The following CTNNA2 variants were observed in gnomAD, a reference collection of about 807,000 sequenced individuals.
CTNNA2 encodes catenin alpha-2.
In CTNNA2, 42 loss-of-function variants were observed where a neutral mutation model predicts 101.0. That is an observed-to-expected ratio of 0.42 (90% CI 0.32 to 0.54). CTNNA2 has a LOEUF of 0.54. Ranked by LOEUF, CTNNA2 falls within the 20% of genes least tolerant of loss-of-function variation. The pLI, the probability that CTNNA2 is intolerant of heterozygous loss-of-function variation, is 0.14. For synonymous variants in CTNNA2, 450 were observed against 456.4 expected, an observed-to-expected ratio of 0.99 and a Z score of 0.18; for missense variants, 871 against 1,223.1, an observed-to-expected ratio of 0.71 and a Z score of 4.29.
intron 2 of CTNNA2, among the ~76,000 whole-genome samples, chr2:79,278,377 T>C (rs1022706600): frequency 5.9e-5 from 9 of 152,040 alleles, no homozygotes; most frequent in African/African-American, 2.2e-4. Context: ...TATTTTAGAA[T>C]TGGAGACAGG....
intron 6 of CTNNA2, among the ~76,000 whole-genome samples, chr2:79,898,144 C>CT (rs888439522): frequency 6.6e-6 from 1 of 151,500 alleles, no homozygotes; most frequent in Non-Finnish European, 1.5e-5. Flanking sequence ...TTTCTTTTTT[C>CT]TTTTTTTGAG....
chr2:80,191,397 G>T (rs1008512838), intron 7 of CTNNA2, among the ~76,000 whole-genome samples: 1 of 152,102 alleles, frequency 6.6e-6, no homozygotes, highest in African/African-American at 2.4e-5. Context: ...TTCAGTACTT[G>T]CTGTGTGCCA....
chr2:80,195,732 T>A (rs949171588), intron 7 of CTNNA2, among the ~76,000 whole-genome samples: 1 of 152,102 alleles, frequency 6.6e-6, no homozygotes, highest in Non-Finnish European at 1.5e-5. Context: ...TGTTTTTGCT[T>A]CCTGATATTC....
At chr2:79,944,309 GTT>G (rs1221920480) in intron 7 of CTNNA2, among the ~76,000 whole-genome samples, 1 of 152,038 alleles carries the variant, frequency 6.6e-6, no homozygotes, top group Non-Finnish European at 1.5e-5. Flanking sequence ...GGATGAAAAT[GTT>G]TTGTTTCCTT....
At chr2:79,988,297 A>G (rs1691907009) in intron 7 of CTNNA2, among the ~76,000 whole-genome samples, 1 of 152,218 alleles carries the variant, frequency 6.6e-6, no homozygotes, top group African/African-American at 2.4e-5. Flanking sequence ...CGCCACCATC[A>G]GCACTATCAT....
chr2:79,817,532 T>G (rs1489527505), intron 3 of CTNNA2, among the ~76,000 whole-genome samples: 1 of 151,998 alleles, frequency 6.6e-6, no homozygotes, highest in Non-Finnish European at 1.5e-5. Flanking sequence ...TTGAACCATG[T>G]GTTGTATCTC....
chr2:80,554,060 G>A (rs924372895), intron 11 of CTNNA2, among the ~76,000 whole-genome samples: 1 of 152,154 alleles, frequency 6.6e-6, no homozygotes, highest in Non-Finnish European at 1.5e-5. Context: ...AATTTATAAT[G>A]GTTTGAGTGA....
intron 14 of CTNNA2, among the ~76,000 whole-genome samples, chr2:80,583,493 A>G (rs1695714365): frequency 6.6e-6 from 1 of 152,340 alleles, no homozygotes; most frequent in East Asian, 1.9e-4. Flanking sequence ...AAGTAAAACC[A>G]GCATTGTTAT....
Position 79,287,514 on chromosome 2 carries a change from G to T in CTNNA2, c.-405-25195G>T, listed in dbSNP as rs557561153. Among the ~76,000 whole-genome samples the T allele has an allele frequency of 1.5e-3, 232 of 150,742 alleles. 2 individuals are homozygous for T. The highest frequency in any genetic ancestry group is 4.5e-3 in the African/African-American group (181 of 40,600). ...TGCAGGTCTATTGGAGTACCCGGCC[G>T]TGTGAGGTGTCAGTCTGCCCCTGCT... On this transcript the variant is annotated intron_variant, in intron 2 of 21. Transcript: ENST00000466387.
At chr2:79,610,648 T>A (rs2566553) in intron 1 of CTNNA2, among the ~76,000 whole-genome samples, 95,290 of 151,882 alleles carry the variant, frequency 0.63, 31,129 homozygotes, top group Non-Finnish European at 0.72. Context: ...TATAAAACTC[T>A]GGAAAATGTA....
intron 2 of CTNNA2, among the ~76,000 whole-genome samples, chr2:79,278,859 A>G (rs978569917): frequency 5.3e-5 from 8 of 152,148 alleles, no homozygotes; most frequent in African/African-American, 1.7e-4. Context: ...TGGCTGGAAT[A>G]GAGGATAGGA....
At chr2:79,474,070 A>T (rs1284497280) in intron 4 of CTNNA2, among the ~76,000 whole-genome samples, 1 of 152,134 alleles carries the variant, frequency 6.6e-6, no homozygotes, top group Non-Finnish European at 1.5e-5. Context: ...TTAGACTTCA[A>T]CCCTAACACA....
At chr2:80,280,538 C>T (rs985302303) in intron 7 of CTNNA2, among the ~76,000 whole-genome samples, 32 of 151,872 alleles carry the variant, frequency 2.1e-4, no homozygotes, top group Admixed American at 7.9e-4. Flanking sequence ...TACAATCTTG[C>T]GCTGATCTTA....
chr2:79,882,831 A>C (rs557149434), intron 6 of CTNNA2, among the ~76,000 whole-genome samples: 7 of 152,314 alleles, frequency 4.6e-5, no homozygotes, highest in Non-Finnish European at 1.0e-4. Context: ...TGCCTGTAGC[A>C]TGGGTTTGCA....
At chr2:79,595,161 C>A (rs1341127620) in intron 1 of CTNNA2, among the ~76,000 whole-genome samples, 1 of 152,136 alleles carries the variant, frequency 6.6e-6, no homozygotes, top group Admixed American at 6.5e-5. Context: ...GTCAACCATT[C>A]CACTCTCACC....
At chr2:80,508,684 A>G (rs979031937) in intron 9 of CTNNA2, among the ~76,000 whole-genome samples, 2 of 152,100 alleles carry the variant, frequency 1.3e-5, no homozygotes, top group South Asian at 4.1e-4. Context: ...CAAAAAAAAA[A>G]AAAAACAAAT....
chr2:79,315,861 T>C (rs1034575196), intron 3 of CTNNA2, among the ~76,000 whole-genome samples: 1 of 152,146 alleles, frequency 6.6e-6, no homozygotes, highest in Admixed American at 6.5e-5. Context: ...TTCATCATTT[T>C]AAATTCCCAC....
intron 3 of CTNNA2, among the ~76,000 whole-genome samples, chr2:79,361,958 C>T (rs1343753859): frequency 2.0e-5 from 3 of 152,296 alleles, no homozygotes; most frequent in African/African-American, 7.2e-5. Context: ...CCTTTGGCAA[C>T]ACCCTCACAG....
intron 7 of CTNNA2, among the ~76,000 whole-genome samples, chr2:80,072,418 C>T (rs1053105506): frequency 6.6e-6 from 1 of 151,986 alleles, no homozygotes; most frequent in Non-Finnish European, 1.5e-5. Flanking sequence ...AGCACTTAAG[C>T]TTGGAAAAGG....
Sources: gnomAD v4.1 joint callset for allele counts (sites outside exome capture counted in the v4.1 genomes callset) on GRCh38, gnomAD v4.1.1 for gene constraint, MANE v1.5 for transcripts, NCBI Gene and HGNC (gene_info 2026-07-23, HGNC 2026-07-21) for gene names.